The following PIEZO2 variants were observed in gnomAD, a reference collection of about 807,000 sequenced individuals.
PIEZO2 encodes the protein piezo type mechanosensitive ion channel component 2, also known as piezo-type mechanosensitive ion channel component 2.
In PIEZO2, 172 loss-of-function variants were observed where a neutral mutation model predicts 337.3. The observed-to-expected ratio is 0.51, with a 90% CI of 0.45 to 0.58. The LOEUF (loss-of-function observed/expected upper bound fraction) is 0.58, where lower values mean the gene tolerates loss of function less well. PIEZO2 is among the 20% of genes least tolerant of loss of function. The pLI, the probability that PIEZO2 is intolerant of heterozygous loss-of-function variation, is 0.00. For synonymous variants in PIEZO2, 1,251 were observed against 1,228.5 expected, an observed-to-expected ratio of 1.02 and a Z score of -0.38; for missense variants, 3,028 against 3,391.3, an observed-to-expected ratio of 0.89 and a Z score of 2.66.
rs2041667659 is a variant in PIEZO2, at chr18:10,855,140, C to T, written c.917+213G>A. Among the ~76,000 whole-genome samples the T allele has an allele frequency of 6.6e-6, 1 of 152,158 alleles. No individual in the cohort carries two copies. The highest frequency in any genetic ancestry group is 6.5e-5 in the Admixed American group (1 of 15,280). On this transcript the variant is annotated intron_variant, in intron 7 of 55. Transcript: ENST00000674853. The surrounding 1 kb of genome is among the most constrained non-coding windows in gnomAD (Gnocchi z 4.9). ...CTGTCCTCCTGCATCCCAGCGGCAT[C>T]TCCATCTGAAGAGACCACTGTCTTC...
chr18:10,796,227 G>T (rs958146418), intron 12 of PIEZO2, among the ~76,000 whole-genome samples: 2 of 151,864 alleles, frequency 1.3e-5, no homozygotes, highest in Admixed American at 6.6e-5. Flanking sequence ...AAAATTAGCC[G>T]GGCGTGGTGG....
intron 4 of PIEZO2, among the ~76,000 whole-genome samples, chr18:10,873,289 A>G (rs2042183210): frequency 6.6e-6 from 1 of 152,166 alleles, no homozygotes; most frequent in Non-Finnish European, 1.5e-5. Flanking sequence ...ACCAACCATC[A>G]TATTGAGTTA....
At chr18:10,678,933 CTTT>C (rs552952913) in intron 52 of PIEZO2, among the ~76,000 whole-genome samples, 3 of 128,514 alleles carry the variant, frequency 2.3e-5, no homozygotes, top group East Asian at 2.3e-4. Context: ...GCTGCAATTT[CTTT>C]TTTTTTTTTT....
chr18:10,779,203 T>C (rs1185913746), intron 18 of PIEZO2, among the ~76,000 whole-genome samples: 1 of 152,170 alleles, frequency 6.6e-6, no homozygotes, highest in Non-Finnish European at 1.5e-5. Flanking sequence ...CCTCTTAGGG[T>C]TTGTAATTTG....
chr18:10,805,109 G>A (rs2039956013), intron 8 of PIEZO2, among the ~76,000 whole-genome samples: 2 of 152,234 alleles, frequency 1.3e-5, no homozygotes, highest in African/African-American at 4.8e-5. Context: ...CCCTCATCAA[G>A]CTACTGCATT....
At chr18:10,698,876 G>A in intron 44 of PIEZO2, 49 bp downstream of exon 44, 2 of 1,528,716 alleles carry the variant, frequency 1.3e-6, no homozygotes, top group South Asian at 2.4e-5. Context: ...AGAAAAACAA[G>A]GCCACCTGGG....
rs1435711235 is a variant in PIEZO2 at position 11,131,685 on chromosome 18, G to A, written c.64+16840C>T. 6.6e-6 allele frequency among the ~76,000 whole-genome samples: 1 copy of A among 152,226 alleles called. No individual in the cohort carries two copies. The highest frequency in any genetic ancestry group is 2.4e-5 in the African/African-American group (1 of 41,460). ...CCAATGTTTTGGCTGGATGGTCAGGGACTTGGAAAAAGCACGATGGGAAAA... is the reference window on the plus strand; with the variant it reads ...CCAATGTTTTGGCTGGATGGTCAGGAACTTGGAAAAAGCACGATGGGAAAA... On this transcript the variant is annotated intron_variant, in intron 1 of 55. Coordinates refer to ENST00000674853, the MANE Select transcript of PIEZO2 (RefSeq NM_001378183.1). The surrounding 1 kb of genome is among the most constrained non-coding windows in gnomAD (Gnocchi z 5.3).
In PIEZO2 at chr18:10,894,163, G is replaced by A. The variant is rs1271352983; in HGVS notation, c.329+17023C>T. 6.6e-6 allele frequency among the ~76,000 whole-genome samples: 1 copy of A among 152,096 alleles called. No individual in the cohort carries two copies. The highest frequency in any genetic ancestry group is 1.5e-5 in the Non-Finnish European group (1 of 68,020). The stretch of plus-strand genomic sequence containing the variant: ...TGGGCTCAAGCATGTGCATTAAGAG[G>A]CAAAATGGGCCAAGTGCGGTGGCTC... On this transcript the variant is annotated intron_variant, in intron 4 of 55. Transcript: ENST00000674853. The surrounding 1 kb of genome is among the most constrained non-coding windows in gnomAD (Gnocchi z 4.1).
chr18:10,698,596 A>G (rs1391146775), intron 44 of PIEZO2, among the ~76,000 whole-genome samples: 3 of 152,256 alleles, frequency 2.0e-5, no homozygotes. Flanking sequence ...AGCACTCTGG[A>G]CACGCCCTGC....
intron 42 of PIEZO2, among the ~76,000 whole-genome samples, chr18:10,703,926 T>C (rs2035451533): frequency 6.6e-6 from 1 of 152,198 alleles, no homozygotes; most frequent in Non-Finnish European, 1.5e-5. Flanking sequence ...ATTCAAACTA[T>C]GTCCAAAGTG....
At chr18:10,984,951 G>GA (rs896669876) in intron 2 of PIEZO2, among the ~76,000 whole-genome samples, 2 of 151,904 alleles carry the variant, frequency 1.3e-5, no homozygotes, top group South Asian at 4.2e-4. Context: ...AAGTGCCAAA[G>GA]AAAAAAATGT....
chr18:10,838,649 A>C (rs2041095464), intron 7 of PIEZO2, among the ~76,000 whole-genome samples: 1 of 152,244 alleles, frequency 6.6e-6, no homozygotes. Flanking sequence ...GCTTACATTT[A>C]ATTATCACAG....
chr18:10,987,593 C>T (rs772457026), intron 2 of PIEZO2, among the ~76,000 whole-genome samples: 3 of 151,716 alleles, frequency 2.0e-5, no homozygotes, highest in Non-Finnish European at 2.9e-5. Context: ...TTACAAAACA[C>T]CCAGGAGAAA....
At chr18:11,079,466 C>T (rs928102470) in intron 1 of PIEZO2, among the ~76,000 whole-genome samples, 1 of 152,162 alleles carries the variant, frequency 6.6e-6, no homozygotes, top group Non-Finnish European at 1.5e-5. Context: ...CAAGCAACAA[C>T]GTACCCTTTT....
Position 10,856,884 on chromosome 18 carries a change from T to G in PIEZO2, c.703+117A>C. On this transcript the variant is annotated intron_variant, in intron 6 of 55. Transcript: ENST00000674853. This position sits in a 1 kb window ranked among gnomAD's most constrained non-coding sequence, Gnocchi z 4.7. ...GCCAGTTTTACAAGAGCTACAGTTA[T>G]GATATTCATGTGGTGGAACAGACTG... 2.1e-6 allele frequency: 2 copies of G among 944,772 alleles called. No homozygotes were observed. The highest frequency in any genetic ancestry group is 3.2e-6 in the Non-Finnish European group (2 of 632,978). 58.5% of individuals were successfully genotyped at this position (944,772 alleles called of 1,614,324 possible).
At chr18:11,006,348 TG>T (rs1311077842) in intron 2 of PIEZO2, among the ~76,000 whole-genome samples, 2 of 152,242 alleles carry the variant, frequency 1.3e-5, no homozygotes, top group African/African-American at 4.8e-5. Context: ...ATTGAATAAC[TG>T]AACGAATGAA....
chr18:10,960,082 G>T lies in PIEZO2; in HGVS notation c.286+19453C>A, dbSNP rs76443988. Among the ~76,000 whole-genome samples the T allele has an allele frequency of 3.1e-3, 470 of 152,212 alleles. 1 individual carries two copies. Among genetic ancestry groups the T allele is most frequent in the African/African-American group, 0.011 (455 of 41,552 alleles). ...TAAATCGTGCTTTTATCAGCTTTGG[G>T]ATATTGACATCATAAGGCTGTGAGC... On this transcript the variant is annotated intron_variant, in intron 3 of 55. Coordinates refer to ENST00000674853, the MANE Select transcript of PIEZO2 (RefSeq NM_001378183.1).
chr18:10,832,064 G>A (rs188692667), intron 7 of PIEZO2, among the ~76,000 whole-genome samples: 1 of 152,238 alleles, frequency 6.6e-6, no homozygotes, highest in Admixed American at 6.5e-5. Flanking sequence ...TTGGGAGGCT[G>A]AGGTGGGAGG....
chr18:11,065,799 T>A (rs2038127672), intron 2 of PIEZO2, among the ~76,000 whole-genome samples: 1 of 152,240 alleles, frequency 6.6e-6, no homozygotes, highest in South Asian at 2.1e-4. Context: ...TATGTACCAA[T>A]GTTGTCATGC....
Sources: allele counts gnomAD v4.1 joint callset (sites outside exome capture counted in the v4.1 genomes callset), GRCh38; gene constraint gnomAD v4.1.1; non-coding constraint Gnocchi (gnomAD v3.1); transcripts MANE v1.5; gene names NCBI Gene and HGNC (gene_info 2026-07-23, HGNC 2026-07-21).